The following PIP5K1B variants were observed in gnomAD, a reference collection of about 807,000 sequenced individuals.
The protein encoded by PIP5K1B is phosphatidylinositol-4-phosphate 5-kinase type 1 beta, also known as phosphatidylinositol 4-phosphate 5-kinase type-1 beta.
In PIP5K1B, 42 loss-of-function variants were observed where a neutral mutation model predicts 67.0. The observed-to-expected ratio is 0.63, with a 90% confidence interval of 0.49 to 0.81. The LOEUF (loss-of-function observed/expected upper bound fraction) is 0.81. Among genes scored for constraint, PIP5K1B ranks in the 30% least tolerant of loss-of-function variants. The pLI is 0.00. For missense variants in PIP5K1B, 459 were observed against 646.3 expected (o/e 0.71, Z 3.14); for synonymous variants, 214 against 231.4 (o/e 0.92, Z 0.68).
intron 14 of PIP5K1B, among the ~76,000 whole-genome samples, chr9:68,945,447 A>G (rs1250653432): frequency 6.6e-6 from 1 of 152,182 alleles, no homozygotes; most frequent in Non-Finnish European, 1.5e-5. Context: ...CACCCAGCCA[A>G]TGGGCTTACG....
At chr9:68,710,412 A>G (rs533085990) in intron 1 of PIP5K1B, among the ~76,000 whole-genome samples, 2 of 152,276 alleles carry the variant, frequency 1.3e-5, no homozygotes, top group South Asian at 2.1e-4. Flanking sequence ...AACTTAATTT[A>G]TGATGAAATT....
intron 2 of PIP5K1B, among the ~76,000 whole-genome samples, chr9:68,764,747 A>G (rs1325912175): frequency 6.6e-6 from 1 of 152,128 alleles, no homozygotes; most frequent in Non-Finnish European, 1.5e-5. Flanking sequence ...TACAGGTGAT[A>G]AACTAAAGCT....
chr9:68,810,162 A>T (rs1833086058), intron 2 of PIP5K1B, among the ~76,000 whole-genome samples: 1 of 152,366 alleles, frequency 6.6e-6, no homozygotes, highest in African/African-American at 2.4e-5. Context: ...CCTGAATGGC[A>T]TGAAAATATT....
chr9:68,998,709 A>T (rs1830693711), intron 15 of PIP5K1B, among the ~76,000 whole-genome samples: 2 of 152,208 alleles, frequency 1.3e-5, no homozygotes, highest in Non-Finnish European at 2.9e-5. Context: ...AAGAACTTTT[A>T]GGAAAACAAG....
intron 6 of PIP5K1B, among the ~76,000 whole-genome samples, 154 bp downstream of exon 6, chr9:68,876,948 C>T (rs1823928393): frequency 6.6e-6 from 1 of 152,114 alleles, no homozygotes; most frequent in Non-Finnish European, 1.5e-5. Flanking sequence ...AATTTAGCTT[C>T]AAGAAATTTG....
chr9:68,795,631 C>G (rs1461152895), intron 2 of PIP5K1B, among the ~76,000 whole-genome samples: 2 of 144,908 alleles, frequency 1.4e-5, no homozygotes, highest in Admixed American at 6.9e-5. Flanking sequence ...AAAATATTTG[C>G]ACATTAGCAA....
chr9:68,859,081 C>A (rs187585847), intron 4 of PIP5K1B, among the ~76,000 whole-genome samples: 2 of 152,206 alleles, frequency 1.3e-5, no homozygotes, highest in Non-Finnish European at 2.9e-5. Flanking sequence ...AGAAGACCAG[C>A]GTATGCACAC....
At chr9:68,741,024 T>C (rs1271542396) in intron 1 of PIP5K1B, among the ~76,000 whole-genome samples, 1 of 152,264 alleles carries the variant, frequency 6.6e-6, no homozygotes, top group African/African-American at 2.4e-5. Context: ...AATGCCATTT[T>C]ACCCACTTTT....
At chr9:68,779,975 A>T in intron 2 of PIP5K1B, 1 of 669,152 alleles carries the variant, frequency 1.5e-6, no homozygotes, top group African/African-American at 1.9e-5. Context: ...TGCCGCGCAC[A>T]TATTACGCAT....
chr9:68,828,944 A>G lies in PIP5K1B; in HGVS notation c.69+6261A>G, dbSNP rs142117836. Reference sequence around the variant, plus strand: ...TGGTGAAACCCCATCTCTACTAAAAATACAAAAATTTGCTGGGCACGGTGG... The same window carrying G: ...TGGTGAAACCCCATCTCTACTAAAAGTACAAAAATTTGCTGGGCACGGTGG... On this transcript the variant is annotated intron_variant, in intron 4 of 15. Coordinates refer to ENST00000265382, the MANE Select transcript of PIP5K1B (RefSeq NM_003558.4). Among the ~76,000 whole-genome samples, 615 of 152,036 alleles carry G rather than the reference A, an allele frequency of 4.0e-3. 1 individual carries two copies. Among genetic ancestry groups the G allele is most frequent in the Non-Finnish European group, 6.6e-3 (449 of 67,964 alleles).
intron 1 of PIP5K1B, among the ~76,000 whole-genome samples, chr9:68,737,848 C>T (rs1828812984): frequency 6.6e-6 from 1 of 152,156 alleles, no homozygotes; most frequent in Admixed American, 6.5e-5. Context: ...TCTACTAATG[C>T]GTAGTGACCA....
chr9:68,821,724 T>A (rs1833740553), intron 3 of PIP5K1B, among the ~76,000 whole-genome samples: 1 of 152,216 alleles, frequency 6.6e-6, no homozygotes, highest in South Asian at 2.1e-4. Flanking sequence ...AAGAATTGAG[T>A]CCAAGAAAAC....
At chr9:68,988,455 T>TG (rs1162419043) in intron 14 of PIP5K1B, among the ~76,000 whole-genome samples, 4 of 66,830 alleles carry the variant, frequency 6.0e-5, no homozygotes, top group Non-Finnish European at 1.2e-4. Context: ...TTTTTTTTTT[T>TG]TTTTTTTTTT....
intron 2 of PIP5K1B, among the ~76,000 whole-genome samples, chr9:68,749,901 A>C (rs1010790398): frequency 1.3e-5 from 2 of 152,272 alleles, no homozygotes; most frequent in African/African-American, 4.8e-5. Flanking sequence ...ACCAAGGTAG[A>C]GTACAAATTA....
intron 8 of PIP5K1B, among the ~76,000 whole-genome samples, chr9:68,898,395 A>T (rs146665742): frequency 6.6e-6 from 1 of 152,102 alleles, no homozygotes; most frequent in Non-Finnish European, 1.5e-5. Context: ...CTGACCCTCT[A>T]TATGCTCACT....
At chr9:68,914,789 C>A (rs1011608756) in intron 8 of PIP5K1B, among the ~76,000 whole-genome samples, 2 of 152,130 alleles carry the variant, frequency 1.3e-5, no homozygotes, top group Non-Finnish European at 2.9e-5. Context: ...TGTCAGCCAT[C>A]CAGGCCATAC....
At chr9:68,898,064 G>A (rs1436970219) in intron 8 of PIP5K1B, among the ~76,000 whole-genome samples, 2 of 152,072 alleles carry the variant, frequency 1.3e-5, no homozygotes, top group East Asian at 3.9e-4. Flanking sequence ...GAGTCCCTTT[G>A]CCTGGCTTCC....
At chr9:68,739,634 C>T (rs1828906463) in intron 1 of PIP5K1B, among the ~76,000 whole-genome samples, 1 of 152,198 alleles carries the variant, frequency 6.6e-6, no homozygotes, top group Non-Finnish European at 1.5e-5. Flanking sequence ...TCTCAGATTG[C>T]AACACTTCTC....
chr9:68,943,649 T>C (rs372100396), intron 14 of PIP5K1B, among the ~76,000 whole-genome samples: 1 of 151,608 alleles, frequency 6.6e-6, no homozygotes, highest in African/African-American at 2.4e-5. Flanking sequence ...GGAAAGAAAA[T>C]GCATTGAAAA....
Sources: allele counts gnomAD v4.1 joint callset (sites outside exome capture counted in the v4.1 genomes callset), GRCh38; gene constraint gnomAD v4.1.1; transcripts MANE v1.5; gene names NCBI Gene and HGNC (gene_info 2026-07-23, HGNC 2026-07-21).